PDCD11: variants seen among roughly 807,000 people sequenced by gnomAD.
The protein encoded by PDCD11 is programmed cell death 11.
In PDCD11, 97 loss-of-function variants were observed where a neutral mutation model predicts 198.9. That is an observed-to-expected ratio of 0.49 (90% CI 0.41 to 0.58). The LOEUF is 0.58. Ranked by LOEUF, PDCD11 falls within the 20% of genes least tolerant of loss-of-function variation. The pLI, the probability that PDCD11 is intolerant of heterozygous loss-of-function variation, is 0.00. For missense variants in PDCD11, 2,102 were observed against 2,312.7 expected, an observed-to-expected ratio of 0.91 and a Z score of 1.87; for synonymous variants, 893 against 918.0, an observed-to-expected ratio of 0.97 and a Z score of 0.49.
At position 103,445,652 on chromosome 10, in the gene PDCD11, T is replaced by C. The variant is rs2133762608; in HGVS notation, c.*103T>C. 1 of 918,860 alleles carries C rather than the reference T, an allele frequency of 1.1e-6. No homozygotes were observed. The highest frequency in any genetic ancestry group is 2.6e-5 in the East Asian group (1 of 38,052). 56.9% of individuals were successfully genotyped at this position (918,860 alleles called of 1,614,324 possible). The stretch of plus-strand genomic sequence containing the variant: ...CTGTTACCTCAGGACTCTATTTAAA[T>C]GCTGCTTTTTCTGCAGCACGCTTGG... On this transcript the variant is annotated 3_prime_UTR_variant, in exon 36 of 36. Transcript: ENST00000369797.
chr10:103,411,544 T>C (rs1343625830), intron 8 of PDCD11, among the ~76,000 whole-genome samples: 3 of 151,950 alleles, frequency 2.0e-5, no homozygotes, highest in Non-Finnish European at 4.4e-5. Flanking sequence ...TTTTGCTATG[T>C]TTTATAGAGA....
chr10:103,440,406 C>T lies in PDCD11; in HGVS notation c.4265C>T (p.Thr1422Ile). 1 of 1,614,188 alleles carries T rather than the reference C, an allele frequency of 6.2e-7. No homozygotes were observed. The highest frequency in any genetic ancestry group is 8.5e-7 in the Non-Finnish European group (1 of 1,180,044). The change falls in exon 29 of 36, where the codon ACA becomes ATA. Residue 1422 changes from threonine (T) to isoleucine (I), a missense_variant. By Grantham distance (89) the Thr-to-Ile change is moderately conservative. Transcript: ENST00000369797. ...CTTACAAAGCAAGAGGAGAGGAAAA[C>T]AGAGGCTGAGGAGAGAGACCAAAAA... ...GQLTKQEERKTEAEERDQKGE... is the reference protein window; with the variant it reads ...GQLTKQEERKIEAEERDQKGE...
At chr10:103,434,572 A>G (rs1489758122) in intron 24 of PDCD11, 2 of 588,950 alleles carry the variant, frequency 3.4e-6, no homozygotes, top group African/African-American at 3.7e-5. Context: ...ACCCTTACCT[A>G]CACAGGTGTT....
At chr10:103,421,307 G>T (rs1260054514) in intron 16 of PDCD11, 41 bp from the exon 17 acceptor site, 5 of 1,498,710 alleles carry the variant, frequency 3.3e-6, no homozygotes, top group South Asian at 2.4e-5. Context: ...TCTTAATGAA[G>T]ACCTTTCCTC....
rs766166324 is a variant in PDCD11 at position 103,406,753 on chromosome 10, T to A, written c.833T>A (p.Leu278Ter). The A allele has an allele frequency of 3.7e-6, 6 of 1,614,028 alleles. No homozygotes were observed. In the African/African-American group the frequency reaches 8.0e-5, roughly 22 times the overall value. The change falls in exon 7 of 36, where the codon TTG becomes TAG. Residue 278 changes from leucine to a stop codon, truncating the protein, a stop_gained. Transcript: ENST00000369797. LOFTEE classifies it high-confidence loss of function. ...CAGCAGAGCTGGAACCTTAATAACT[T>A]GCTACCAGGACTGGTGGTCAAAGCT... Reference protein sequence around the residue: ...TEQQSWNLNNLLPGLVVKAQV... With the variant: ...TEQQSWNLNN
At chr10:103,433,165 C>T (rs2032005216) in intron 22 of PDCD11, among the ~76,000 whole-genome samples, 3 of 152,060 alleles carry the variant, frequency 2.0e-5, no homozygotes, top group South Asian at 2.1e-4. Context: ...AGTAGCTGCT[C>T]GATAAATGAT....
intron 12 of PDCD11, among the ~76,000 whole-genome samples, chr10:103,415,653 C>T (rs1370137697): frequency 2.0e-5 from 3 of 152,228 alleles, no homozygotes; most frequent in African/African-American, 7.2e-5. Flanking sequence ...CCCAGAGTCA[C>T]ACAGCTAATA....
At position 103,445,593 on chromosome 10, in the gene PDCD11, C is replaced by T. The variant is rs369421016; in HGVS notation, c.*44C>T. 288 of 1,565,170 alleles carry T rather than the reference C, an allele frequency of 1.8e-4. No homozygotes were observed. Among genetic ancestry groups the T allele is most frequent in the Non-Finnish European group, 2.4e-4 (280 of 1,145,138 alleles). ...GGACACTGTCAACAATGGGCCAGCC[C>T]GGCCCCGCCTCGAGTGCCTGGGCAC... On this transcript the variant is annotated 3_prime_UTR_variant, in exon 36 of 36. Coordinates refer to ENST00000369797, the MANE Select transcript of PDCD11 (RefSeq NM_014976.2).
intron 25 of PDCD11, among the ~76,000 whole-genome samples, chr10:103,436,140 A>G (rs61871172): frequency 0.34 from 51,098 of 150,642 alleles, 9,075 homozygotes; most frequent in South Asian, 0.5. Context: ...TTGCTCTGTC[A>G]CCCAGGCTGG....
chr10:103,424,613 C>T (rs1188189395), intron 19 of PDCD11, among the ~76,000 whole-genome samples: 2 of 152,172 alleles, frequency 1.3e-5, no homozygotes, highest in Non-Finnish European at 2.9e-5. Context: ...AGCTGCAGGA[C>T]AGATTCAGGA....
In PDCD11 at chr10:103,417,753, C is replaced by CT. The variant is rs1294462564; in HGVS notation, c.1771-38dup. The CT allele has an allele frequency of 2.1e-5, 34 of 1,604,776 alleles. No homozygotes were observed. In the Admixed American group the frequency reaches 5.9e-4, roughly 28 times the overall value. The stretch of plus-strand genomic sequence containing the variant: ...CACGTTGCAGGGCCTGCAAGGCTTG[C>CT]TGGGAGGAGTTGGCCAAGCCTGTGT... On this transcript the variant is annotated intron_variant, in intron 13 of 35. Transcript: ENST00000369797.
intron 19 of PDCD11, among the ~76,000 whole-genome samples, chr10:103,424,356 A>G (rs1325091269): frequency 6.6e-6 from 1 of 152,128 alleles, no homozygotes; most frequent in Admixed American, 6.5e-5. Context: ...ATAATCCTTA[A>G]TTTCCAGTTG....
chr10:103,409,580 G>A (rs773684268), intron 7 of PDCD11, 119 bp from the exon 8 acceptor site: 1 of 677,870 alleles, frequency 1.5e-6, no homozygotes, highest in Admixed American at 2.4e-5. Flanking sequence ...GAGTTACCTG[G>A]GAGAGGAGAG....
rs148641861 is a variant in PDCD11 at position 103,412,148 on chromosome 10, C to A, written c.979-968C>A. 4.5e-4 allele frequency among the ~76,000 whole-genome samples: 68 copies of A among 150,164 alleles called. No individual in the cohort carries two copies. The East Asian group carries it at 0.012, about 27-fold the overall frequency. On this transcript the variant is annotated intron_variant, in intron 8 of 35. Coordinates refer to ENST00000369797, the MANE Select transcript of PDCD11 (RefSeq NM_014976.2). Reference sequence around the variant, plus strand: ...CAGCCTCCCAAAGTGGTGCATGCCACCATGCTTGGCTAACTTTTTTTTTTT... The same window carrying A: ...CAGCCTCCCAAAGTGGTGCATGCCAACATGCTTGGCTAACTTTTTTTTTTT...
chr10:103,427,462 G>C, intron 21 of PDCD11, 71 bp downstream of exon 21: 1 of 1,250,292 alleles, frequency 8.0e-7, no homozygotes. Flanking sequence ...TCCCGAATTC[G>C]AATCTTGATT....
chr10:103,413,661 A>G (rs754264687), intron 9 of PDCD11, among the ~76,000 whole-genome samples: 8 of 152,174 alleles, frequency 5.3e-5, no homozygotes, highest in Non-Finnish European at 7.3e-5. Flanking sequence ...CGCTGCTGTT[A>G]TGGCATGAAA....
At chr10:103,406,869 A>G (rs2030486918) in intron 7 of PDCD11, 79 bp downstream of exon 7, 6 of 1,185,678 alleles carry the variant, frequency 5.1e-6, no homozygotes, top group Non-Finnish European at 7.1e-6. Context: ...GTCTAAAACT[A>G]CTGTCTGATA....
At chr10:103,415,378 C>A (rs1051498504) in intron 12 of PDCD11, among the ~76,000 whole-genome samples, 1 of 152,134 alleles carries the variant, frequency 6.6e-6, no homozygotes, top group Admixed American at 6.5e-5. Flanking sequence ...GATCTTTTGC[C>A]ATGTGGCTTG....
Position 103,444,629 on chromosome 10 carries a change from C to G in PDCD11, c.5391C>G (p.Val1797=). Residue 1797 remains valine (V), a synonymous_variant, in exon 35 of 36, where the codon GTC becomes GTG. Coordinates refer to ENST00000369797, the MANE Select transcript of PDCD11 (RefSeq NM_014976.2). Reference sequence around the variant, plus strand: ...GCACCTACCCAAAGCGCACAGATGTCTGGTCGGTCTATATCGACATGACCA... The same window carrying G: ...GCACCTACCCAAAGCGCACAGATGTGTGGTCGGTCTATATCGACATGACCA... ...TLSTYPKRTD[V]WSVYIDMTIK... The G allele has an allele frequency of 6.2e-7, 1 of 1,614,202 alleles. No homozygotes were observed.
Sources: gnomAD v4.1 joint callset for allele counts (sites outside exome capture counted in the v4.1 genomes callset) on GRCh38, gnomAD v4.1.1 for gene constraint, MANE v1.5 for transcripts, NCBI Gene and HGNC (gene_info 2026-07-23, HGNC 2026-07-21) for gene names.